Variants in PRKN observed in about 807,000 individuals in gnomAD.
PRKN encodes the protein E3 ubiquitin-protein ligase parkin.
Under a neutral mutation model 59.5 loss-of-function variants are expected in PRKN, and 56 were observed. The ratio of observed to expected loss-of-function variants is 0.94; its 90% CI spans 0.76 to 1.18. PRKN has a LOEUF of 1.18. Ranked by LOEUF, PRKN falls within the 50% of genes most tolerant of loss-of-function variation. PRKN has a pLI of 0.00. For synonymous variants in PRKN, 250 were observed against 222.1 expected (o/e 1.13, Z -1.12); for missense variants, 657 against 596.4 (o/e 1.10, Z -1.06).
At chr6:161,701,428 C>G (rs1786245472) in intron 7 of PRKN, among the ~76,000 whole-genome samples, 1 of 152,126 alleles carries the variant, frequency 6.6e-6, no homozygotes, top group South Asian at 2.1e-4. Context: ...ATGAAAGTTG[C>G]TGATTTTTTA....
chr6:162,524,481 C>T (rs1050171023), intron 1 of PRKN, among the ~76,000 whole-genome samples: 1 of 152,162 alleles, frequency 6.6e-6, no homozygotes, highest in Non-Finnish European at 1.5e-5. Context: ...ATGGTAACAA[C>T]AGTCTGTGAA....
intron 6 of PRKN, among the ~76,000 whole-genome samples, chr6:161,936,904 GC>G (rs113668720): frequency 0.013 from 1,898 of 151,760 alleles, 45 homozygotes; most frequent in African/African-American, 0.042. Context: ...TCCTGCCTCA[GC>G]CTCCCAAGTA....
intron 2 of PRKN, among the ~76,000 whole-genome samples, chr6:162,298,035 C>T (rs1237226169): frequency 6.6e-6 from 1 of 152,168 alleles, no homozygotes; most frequent in Non-Finnish European, 1.5e-5. Flanking sequence ...ATCCATCTTC[C>T]ATCTTTCCGA....
chr6:162,282,868 T>G (rs562466335), intron 2 of PRKN, among the ~76,000 whole-genome samples: 141 of 152,300 alleles, frequency 9.3e-4, no homozygotes, highest in African/African-American at 3.2e-3. Flanking sequence ...TTTGAATGTT[T>G]CTGAAATTTT....
chr6:162,645,462 G>C (rs961087049), intron 1 of PRKN, among the ~76,000 whole-genome samples: 2 of 152,064 alleles, frequency 1.3e-5, no homozygotes, highest in East Asian at 3.9e-4. Context: ...CAATAAAAGA[G>C]GTCAATTGCA....
At chr6:161,858,282 T>C (rs1378882727) in intron 6 of PRKN, among the ~76,000 whole-genome samples, 1 of 152,172 alleles carries the variant, frequency 6.6e-6, no homozygotes, top group Non-Finnish European at 1.5e-5. Flanking sequence ...GCAAAAACTG[T>C]TACGGGAATT....
At chr6:162,215,532 T>C (rs1416765362) in intron 3 of PRKN, among the ~76,000 whole-genome samples, 1 of 152,184 alleles carries the variant, frequency 6.6e-6, no homozygotes, top group Non-Finnish European at 1.5e-5. Context: ...ATGAATGTTG[T>C]CAAAAGATTA....
At chr6:162,637,283 C>G (rs1316145797) in intron 1 of PRKN, among the ~76,000 whole-genome samples, 8 of 136,268 alleles carry the variant, frequency 5.9e-5, no homozygotes, top group African/African-American at 8.2e-5. Flanking sequence ...GCCCCCCCCC[C>G]CAAAAAAAAG....
At chr6:161,961,712 C>T (rs372176707) in intron 6 of PRKN, among the ~76,000 whole-genome samples, 1 of 152,168 alleles carries the variant, frequency 6.6e-6, no homozygotes, top group Admixed American at 6.5e-5. Flanking sequence ...AAGGTTTTAT[C>T]TCAGCTTGAA....
At chr6:161,779,430 C>CTT (rs1790097814) in intron 7 of PRKN, among the ~76,000 whole-genome samples, 2 of 46,900 alleles carry the variant, frequency 4.3e-5, no homozygotes, top group East Asian at 6.2e-4. Flanking sequence ...TTCTCTTTTT[C>CTT]TTTTCTTTTC....
intron 10 of PRKN, among the ~76,000 whole-genome samples, chr6:161,370,248 C>A (rs973442750): frequency 2.6e-5 from 4 of 151,556 alleles, no homozygotes; most frequent in African/African-American, 7.3e-5. Context: ...CACACACACA[C>A]AAAACTCCAC....
intron 6 of PRKN, among the ~76,000 whole-genome samples, chr6:161,881,377 G>A (rs1198172230): frequency 3.9e-5 from 6 of 152,216 alleles, no homozygotes; most frequent in Middle Eastern, 3.4e-3. Flanking sequence ...TACAAGCGTC[G>A]GAAAAATGAG....
intron 10 of PRKN, among the ~76,000 whole-genome samples, chr6:161,375,270 C>T (rs967479215): frequency 2.6e-5 from 4 of 152,106 alleles, no homozygotes; most frequent in African/African-American, 9.7e-5. Context: ...GGTGCTCTGC[C>T]GTGCTGGAGT....
intron 1 of PRKN, among the ~76,000 whole-genome samples, chr6:162,549,603 A>G (rs1164248678): frequency 6.6e-6 from 1 of 151,682 alleles, no homozygotes; most frequent in Non-Finnish European, 1.5e-5. Flanking sequence ...CAGGGGAGGT[A>G]GAAAGACAAA....
intron 3 of PRKN, among the ~76,000 whole-genome samples, chr6:162,224,695 G>A (rs1395133800): frequency 6.6e-6 from 1 of 152,132 alleles, no homozygotes; most frequent in African/African-American, 2.4e-5. Context: ...TAGGCCTGGG[G>A]AATTGGATGC....
At chr6:162,569,537 G>T (rs1780223818) in intron 1 of PRKN, 1 of 714,680 alleles carries the variant, frequency 1.4e-6, no homozygotes, top group South Asian at 1.4e-5. Flanking sequence ...CGCCTATGCA[G>T]ATGGTCTGAG....
intron 7 of PRKN, among the ~76,000 whole-genome samples, chr6:161,631,901 T>C (rs1317507887): frequency 2.0e-5 from 3 of 152,170 alleles, no homozygotes; most frequent in African/African-American, 7.2e-5. Flanking sequence ...TTACCCAATT[T>C]ATCCCATTTA....
At chr6:161,777,440 T>A (rs932130528) in intron 7 of PRKN, among the ~76,000 whole-genome samples, 19 of 151,846 alleles carry the variant, frequency 1.3e-4, no homozygotes, top group African/African-American at 4.1e-4. Flanking sequence ...CCTTGAAGAA[T>A]GTATAAGGTG....
intron 6 of PRKN, among the ~76,000 whole-genome samples, chr6:161,856,450 T>C (rs1374770430): frequency 3.3e-5 from 5 of 152,176 alleles, no homozygotes; most frequent in Non-Finnish European, 5.9e-5. Flanking sequence ...CGCTGATATA[T>C]GCTTTCTGTA....
Sources: gnomAD v4.1 joint callset for allele counts (sites outside exome capture counted in the v4.1 genomes callset) on GRCh38, gnomAD v4.1.1 for gene constraint, MANE v1.5 for transcripts, NCBI Gene and HGNC (gene_info 2026-07-23, HGNC 2026-07-21) for gene names.